RPTOR: variants seen among roughly 807,000 people sequenced by gnomAD.
RPTOR encodes regulatory associated protein of MTOR complex 1, also known as regulatory-associated protein of mTOR.
A neutral mutation model predicts 169.9 loss-of-function variants in RPTOR; 21 were observed. The observed-to-expected ratio is 0.12, with a 90% CI of 0.09 to 0.18. The LOEUF (loss-of-function observed/expected upper bound fraction) is 0.18, where lower values mean the gene tolerates loss of function less well. RPTOR is among the 10% of genes least tolerant of loss of function. RPTOR has a pLI of 1.00. For missense variants in RPTOR, 1,133 were observed against 1,855.9 expected (o/e 0.61, Z 7.16); for synonymous variants, 732 against 753.2 (o/e 0.97, Z 0.46).
At chr17:80,688,999 G>A (rs1365609764) in intron 3 of RPTOR, among the ~76,000 whole-genome samples, 4 of 152,224 alleles carry the variant, frequency 2.6e-5, no homozygotes, top group Non-Finnish European at 4.4e-5. Flanking sequence ...CCCTGTTGCC[G>A]TTCTGATAAA....
At position 80,795,968 on chromosome 17, in the gene RPTOR, G is replaced by A. The variant is rs558215250; in HGVS notation, c.890+4459G>A. On this transcript the variant is annotated intron_variant, in intron 7 of 33. Coordinates refer to ENST00000306801, the MANE Select transcript of RPTOR (RefSeq NM_020761.3). The stretch of plus-strand genomic sequence containing the variant: ...CTGTAGTTCTGTAAGCGTCTCCCAC[G>A]CCTCTCCATCTGCCATCAGCTGAGG... 5.3e-5 allele frequency among the ~76,000 whole-genome samples: 8 copies of A among 152,254 alleles called. 1 individual carries two copies. Among genetic ancestry groups the A allele is most frequent in the East Asian group, 3.9e-4 (2 of 5,180 alleles).
chr17:80,846,782 G>A (rs918480878), intron 11 of RPTOR, among the ~76,000 whole-genome samples: 7 of 152,232 alleles, frequency 4.6e-5, no homozygotes, highest in Non-Finnish European at 7.3e-5. Flanking sequence ...TGGGCTGATC[G>A]CACATTCATT....
chr17:80,933,822 C>G (rs1196888769), intron 24 of RPTOR, among the ~76,000 whole-genome samples: 6 of 152,216 alleles, frequency 3.9e-5, no homozygotes, highest in Non-Finnish European at 8.8e-5. Context: ...TGCTTTATGC[C>G]TATAAACTCT....
intron 33 of RPTOR, 60 bp from the exon 34 acceptor site, chr17:80,964,202 C>CCCCCCCCCCCGGGTCG: frequency 8.2e-7 from 1 of 1,224,848 alleles, no homozygotes; most frequent in Non-Finnish European, 1.2e-6. Flanking sequence ...TGCGCCCCCC[C>CCCCCCCCCCCGGGTCG]GCCCCCCGCA....
intron 1 of RPTOR, chr17:80,593,274 A>C (rs1452701961): frequency 1.3e-5 from 2 of 154,848 alleles, no homozygotes; most frequent in Non-Finnish European, 2.9e-5. Flanking sequence ...TTCCACGGTG[A>C]ACTTGTCAGG....
At chr17:80,912,611 C>G (rs1423571490) in intron 21 of RPTOR, among the ~76,000 whole-genome samples, 3 of 152,154 alleles carry the variant, frequency 2.0e-5, no homozygotes, top group African/African-American at 7.2e-5. Flanking sequence ...AGCCACTGCT[C>G]TCTGCTCTTC....
chr17:80,923,708 T>G, intron 23 of RPTOR, 35 bp downstream of exon 23: 1 of 1,525,076 alleles, frequency 6.6e-7, no homozygotes, highest in Non-Finnish European at 8.8e-7. Context: ...ATCTGGACAC[T>G]GAGAGCGTTG....
At chr17:80,940,437 T>C (rs2144036621) in intron 24 of RPTOR, 59 bp from the exon 25 acceptor site, 4 of 1,463,878 alleles carry the variant, frequency 2.7e-6, no homozygotes, top group Non-Finnish European at 3.8e-6. Context: ...ACCCCATTGA[T>C]ACCAAGAGAC....
chr17:80,561,595 C>T (rs1332658091), intron 1 of RPTOR, among the ~76,000 whole-genome samples: 2 of 151,776 alleles, frequency 1.3e-5, no homozygotes, highest in Non-Finnish European at 2.9e-5. Context: ...CCATGCCTGG[C>T]TGATTTTTGT....
At chr17:80,895,952 A>C (rs564110770) in intron 20 of RPTOR, among the ~76,000 whole-genome samples, 1 of 152,190 alleles carries the variant, frequency 6.6e-6, no homozygotes, top group Non-Finnish European at 1.5e-5. Flanking sequence ...TCCTGGCTGA[A>C]TATATCCATC....
At chr17:80,869,138 T>A (rs768609617) in intron 13 of RPTOR, among the ~76,000 whole-genome samples, 14 of 152,220 alleles carry the variant, frequency 9.2e-5, no homozygotes, top group Non-Finnish European at 1.9e-4. Context: ...AGAACTGTAC[T>A]GTTCCCTTCT....
intron 10 of RPTOR, among the ~76,000 whole-genome samples, chr17:80,840,938 T>TCACCACACGGCAGCTCA (rs1567942615): frequency 2.2e-5 from 2 of 89,810 alleles, no homozygotes; most frequent in African/African-American, 6.0e-5. Context: ...CAGCTCACTC[T>TCACCACACGGCAGCTCA]CTCTGCACCG....
chr17:80,935,234 T>C (rs1444620193), intron 24 of RPTOR, among the ~76,000 whole-genome samples: 2 of 152,216 alleles, frequency 1.3e-5, no homozygotes, highest in Non-Finnish European at 2.9e-5. Context: ...ATGGAGACCA[T>C]GCTCCTGGTT....
chr17:80,669,850 CA>C (rs2065808673), intron 3 of RPTOR, among the ~76,000 whole-genome samples: 2 of 152,178 alleles, frequency 1.3e-5, no homozygotes, highest in South Asian at 4.1e-4. Flanking sequence ...GATACTTATT[CA>C]AATAATTCAT....
In RPTOR at chr17:80,746,854, T is replaced by G. The variant is rs1246734004; in HGVS notation, c.655-7156T>G. On this transcript the variant is annotated intron_variant, in intron 5 of 33. Coordinates refer to ENST00000306801, the MANE Select transcript of RPTOR (RefSeq NM_020761.3). This position sits in a 1 kb window ranked among gnomAD's most constrained non-coding sequence, Gnocchi z 4.5. ...GTTGAAATAGTTTTTTTTTTTCCCT[T>G]GGGTTAGCAATCCTGAAGAACGTTC... is the stretch of plus-strand genomic sequence containing the variant. 1.3e-5 allele frequency among the ~76,000 whole-genome samples: 2 copies of G among 150,916 alleles called. No individual in the cohort carries two copies. Among genetic ancestry groups the G allele is most frequent in the Non-Finnish European group, 3.0e-5 (2 of 67,606 alleles).
chr17:80,805,546 C>T (rs555551910), intron 7 of RPTOR: 7 of 152,206 alleles, frequency 4.6e-5, no homozygotes, highest in Non-Finnish European at 8.8e-5. Context: ...GCAGCTGCCT[C>T]TCAGGAAAGG....
intron 20 of RPTOR, among the ~76,000 whole-genome samples, chr17:80,899,750 A>C (rs545237393): frequency 7.2e-5 from 11 of 152,316 alleles, no homozygotes; most frequent in South Asian, 2.1e-4. Context: ...TGTGGACTGA[A>C]GTTTGAATTT....
At chr17:80,822,066 C>A in intron 7 of RPTOR, 135 bp from the exon 8 acceptor site, 1 of 765,034 alleles carries the variant, frequency 1.3e-6, no homozygotes, top group Middle Eastern at 2.4e-4. Context: ...CTGCCGTGCG[C>A]CAAGCTTCTG....
chr17:80,848,639 G>A (rs2067758781), intron 11 of RPTOR, among the ~76,000 whole-genome samples: 1 of 152,256 alleles, frequency 6.6e-6, no homozygotes, highest in Non-Finnish European at 1.5e-5. Flanking sequence ...CACGGCTCCT[G>A]TTGGTCATCT....
Sources: gnomAD v4.1 joint callset for allele counts (sites outside exome capture counted in the v4.1 genomes callset) on GRCh38, gnomAD v4.1.1 for gene constraint, Gnocchi (gnomAD v3.1) non-coding constraint, MANE v1.5 for transcripts, NCBI Gene and HGNC (gene_info 2026-07-23, HGNC 2026-07-21) for gene names.